NAXD: variants seen among roughly 807,000 people sequenced by gnomAD.
The protein encoded by NAXD is ATP-dependent (S)-NAD(P)H-hydrate dehydratase.
A neutral mutation model predicts 35.8 loss-of-function variants in NAXD; 22 were observed. That is an observed-to-expected ratio of 0.62 (90% CI 0.44 to 0.88). NAXD has a LOEUF of 0.88. Among genes scored for constraint, NAXD ranks in the 40% least tolerant of loss-of-function variants. NAXD has a pLI of 0.00. For missense variants in NAXD, 428 were observed against 437.7 expected (o/e 0.98, Z 0.20); for synonymous variants, 189 against 177.6 (o/e 1.06, Z -0.51).
At chr13:110,624,583 C>T (rs534563812) in intron 3 of NAXD, among the ~76,000 whole-genome samples, 244 of 152,266 alleles carry the variant, frequency 1.6e-3, no homozygotes, top group African/African-American at 4.9e-3. Context: ...CTCAGCCTCC[C>T]GAGTAGCTGG....
intron 4 of NAXD, among the ~76,000 whole-genome samples, chr13:110,625,846 T>A (rs751860804): frequency 2.0e-5 from 3 of 152,184 alleles, no homozygotes; most frequent in Non-Finnish European, 4.4e-5. Flanking sequence ...TGTGTGTGTT[T>A]GCACCGACTG....
chr13:110,629,658 T>A (rs1229826519), intron 5 of NAXD, among the ~76,000 whole-genome samples: 1 of 152,230 alleles, frequency 6.6e-6, no homozygotes, highest in Non-Finnish European at 1.5e-5. Context: ...TTCCATTCCT[T>A]TTTATATCTA....
At chr13:110,627,975 A>G (rs1022576132) in intron 5 of NAXD, among the ~76,000 whole-genome samples, 6 of 152,218 alleles carry the variant, frequency 3.9e-5, no homozygotes, top group African/African-American at 1.4e-4. Flanking sequence ...CTCTGCTGAC[A>G]TCAGGCTGTG....
chr13:110,632,949 G>A (rs1013208712), intron 5 of NAXD, among the ~76,000 whole-genome samples: 6 of 152,318 alleles, frequency 3.9e-5, no homozygotes, highest in Admixed American at 3.9e-4. Context: ...ACCAGACTCA[G>A]GAGCCCAGCT....
At chr13:110,637,758 C>G (rs1173304551) in intron 9 of NAXD, 1 of 461,958 alleles carries the variant, frequency 2.2e-6, no homozygotes, top group Non-Finnish European at 4.3e-6. Flanking sequence ...GTGAGCCCAT[C>G]AAGGTGGTGG....
Position 110,627,487 on chromosome 13 carries a change from G to A in NAXD, c.381G>A (p.Leu127=), listed in dbSNP as rs1254507487. The A allele has an allele frequency of 1.9e-6, 3 of 1,614,034 alleles. No homozygotes were observed. Among genetic ancestry groups the A allele is most frequent in the African/African-American group, 1.3e-5 (1 of 74,932 alleles). ...AGGTGGAGAAGTGGCTGCCCCGGCT[G>A]CATGCTCTTGTCGTAGGACCTGGCT... ...VHEVEKWLPR[L]HALVVGPGLG... is the part of the protein sequence containing the mutation. Residue 127 remains leucine (L), a synonymous_variant, in exon 5 of 10, where the codon CTG becomes CTA. Coordinates refer to ENST00000680254, the MANE Select transcript of NAXD (RefSeq NM_001242882.2).
At chr13:110,615,531 C>G (rs1886007416), upstream of NAXD, 2 of 1,317,968 alleles carry the variant, frequency 1.5e-6, no homozygotes, top group South Asian at 3.8e-5. Context: ...GTCGGGAAAC[C>G]GGAAAACGCT....
At chr13:110,636,154 A>T (rs1001815541) in intron 8 of NAXD, among the ~76,000 whole-genome samples, 13 of 152,236 alleles carry the variant, frequency 8.5e-5, no homozygotes, top group Non-Finnish European at 7.3e-5. Flanking sequence ...GCCCAGCGCC[A>T]GCGAGGCATC....
At chr13:110,626,554 G>C (rs371509867) in intron 4 of NAXD, among the ~76,000 whole-genome samples, 2 of 151,814 alleles carry the variant, frequency 1.3e-5, no homozygotes, top group African/African-American at 2.4e-5. Flanking sequence ...AGAGGCGGAG[G>C]GGGGCTGGGG....
At position 110,628,749 on chromosome 13, in the gene NAXD, A is replaced by T. The variant is rs909910972; in HGVS notation, c.441+1202A>T. Among the ~76,000 whole-genome samples the T allele has an allele frequency of 6.6e-6, 1 of 151,534 alleles. No individual in the cohort carries two copies. Among genetic ancestry groups the T allele is most frequent in the Non-Finnish European group, 1.5e-5 (1 of 67,940 alleles). On this transcript the variant is annotated intron_variant, in intron 5 of 9. Coordinates refer to ENST00000680254, the MANE Select transcript of NAXD (RefSeq NM_001242882.2). This position sits in a 1 kb window ranked among gnomAD's most constrained non-coding sequence, Gnocchi z 4.1. ...AGAACCCTCTGTCATCCCCGGGGAG[A>T]GGCTCTCAATGGGGAGTCCCATCTG...
At chr13:110,624,192 C>T (rs1886373266) in intron 2 of NAXD, 42 bp from the exon 3 acceptor site, 2 of 1,270,638 alleles carry the variant, frequency 1.6e-6, no homozygotes, top group East Asian at 2.3e-5. Context: ...GTATGCTTAC[C>T]TTATTCTCAG....
chr13:110,622,247 A>G lies in NAXD; in HGVS notation c.78A>G (p.Ala26=). Residue 26 remains alanine (A), a synonymous_variant, in exon 2 of 10, where the codon GCA becomes GCG. Coordinates refer to ENST00000680254, the MANE Select transcript of NAXD (RefSeq NM_001242882.2). ...VLERAFSLRK[A]HSIKDMENTL... is the part of the protein sequence containing the mutation. Reference sequence around the variant, plus strand: ...AAAGAGCGTTTTCGCTACGTAAAGCACATTCGATAAAGGATATGGAAAATA... The same window carrying G: ...AAAGAGCGTTTTCGCTACGTAAAGCGCATTCGATAAAGGATATGGAAAATA... 6.2e-7 allele frequency: 1 copy of G among 1,614,036 alleles called. No homozygotes were observed. The highest frequency in any genetic ancestry group is 1.1e-5 in the South Asian group (1 of 91,052).
chr13:110,638,177 T>C lies in NAXD; in HGVS notation c.840-201T>C. The C allele has an allele frequency of 6.8e-7, 1 of 1,464,964 alleles. No homozygotes were observed. Among genetic ancestry groups the C allele is most frequent in the Non-Finnish European group, 9.2e-7 (1 of 1,085,338 alleles). The allele number at this position is 1,464,964 out of a possible 1,614,324, so 90.7% of individuals were successfully genotyped here. The stretch of plus-strand genomic sequence containing the variant: ...AGTACATAGACGTTTCCTGTGTGCC[T>C]CCTGCCAGGGAGTAGTGGAGGGTTA... On this transcript the variant is annotated intron_variant, in intron 9 of 9. Transcript: ENST00000680254. The surrounding 1 kb of genome is among the most constrained non-coding windows in gnomAD (Gnocchi z 5.4).
At position 110,637,138 on chromosome 13, in the gene NAXD, G is replaced by A. The variant is rs1449056596; in HGVS notation, c.728G>A (p.Cys243Tyr). The A allele has an allele frequency of 3.1e-6, 5 of 1,613,098 alleles. No individual in the cohort carries two copies. The African/African-American group carries it at 5.3e-5, about 17-fold the overall frequency. The change falls in exon 9 of 10, where the codon TGC becomes TAC. Residue 243 changes from cysteine (C) to tyrosine (Y), a missense_variant. Coordinates refer to ENST00000680254, the MANE Select transcript of NAXD (RefSeq NM_001242882.2). Reference sequence around the variant, plus strand: ...CTTCTGCCCTGTGCAGTGCTTGTGTGCAGCCAGGAAGGCAGCAGCCGCAGG... The same window carrying A: ...CTTCTGCCCTGTGCAGTGCTTGTGTACAGCCAGGAAGGCAGCAGCCGCAGG... ...ILSNGQQVLV[C>Y]SQEGSSRRCG... is the part of the protein sequence containing the mutation.
At position 110,638,802 on chromosome 13, in the gene NAXD, G is replaced by A. The variant is rs1218988039; in HGVS notation, c.*274G>A. The A allele has an allele frequency of 3.3e-6, 2 of 606,070 alleles. No homozygotes were observed. The highest frequency in any genetic ancestry group is 6.1e-6 in the Non-Finnish European group (2 of 329,424). 37.5% of individuals were successfully genotyped at this position (606,070 alleles called of 1,614,324 possible). On this transcript the variant is annotated 3_prime_UTR_variant, in exon 10 of 10. Coordinates refer to ENST00000680254, the MANE Select transcript of NAXD (RefSeq NM_001242882.2). This position sits in a 1 kb window ranked among gnomAD's most constrained non-coding sequence, Gnocchi z 5.4. ...TAGTAACTGGGAAGACAGAAATGAA[G>A]AAAATCACATGAGAATGAAGAATTC... is the stretch of plus-strand genomic sequence containing the variant.
At position 110,637,262 on chromosome 13, in the gene NAXD, CTTCA is replaced by C. The variant is rs1886962413; in HGVS notation, c.839+16_839+19del. 4 of 1,613,672 alleles carry C rather than the reference CTTCA, an allele frequency of 2.5e-6. No homozygotes were observed. The highest frequency in any genetic ancestry group is 2.2e-5 in the South Asian group (2 of 91,038). ...AGAAAACAAATGGGTAAGGCCACGT[CTTCA>C]TTTATTCTACTTTGAAACCGTCTGA... On this transcript the variant is annotated intron_variant, in intron 9 of 9. Transcript: ENST00000680254.
chr13:110,622,770 T>A (rs1450485177), intron 2 of NAXD, among the ~76,000 whole-genome samples: 1 of 152,252 alleles, frequency 6.6e-6, no homozygotes, highest in East Asian at 1.9e-4. Context: ...ATCCCTAGCT[T>A]GCTTCTGTTC....
intron 1 of NAXD, among the ~76,000 whole-genome samples, chr13:110,621,638 G>A (rs1374821921): frequency 6.6e-6 from 1 of 152,216 alleles, no homozygotes; most frequent in Non-Finnish European, 1.5e-5. Context: ...GGAGGTTGCA[G>A]TGAGCAGGAT....
chr13:110,615,506 A>C, upstream of NAXD: 2 of 1,205,268 alleles, frequency 1.7e-6, no homozygotes, highest in Non-Finnish European at 2.2e-6. Flanking sequence ...CACTGCCGAC[A>C]GCCGCGCGGA....
Sources: gnomAD v4.1 joint callset for allele counts (sites outside exome capture counted in the v4.1 genomes callset) on GRCh38, gnomAD v4.1.1 for gene constraint, Gnocchi (gnomAD v3.1) non-coding constraint, MANE v1.5 for transcripts, NCBI Gene and HGNC (gene_info 2026-07-23, HGNC 2026-07-21) for gene names.